NPAS3: variants seen among roughly 807,000 people sequenced by gnomAD.
NPAS3 encodes neuronal PAS domain-containing protein 3.
NPAS3 carries 14 observed loss-of-function variants against 73.1 expected under a neutral mutation model. The ratio of observed to expected loss-of-function variants is 0.19; its 90% CI spans 0.13 to 0.30. NPAS3 has a LOEUF of 0.30. Ranked by LOEUF, NPAS3 falls within the 10% of genes least tolerant of loss-of-function variation. The pLI, the probability that NPAS3 is intolerant of heterozygous loss-of-function variation, is 1.00. For synonymous variants in NPAS3, 620 were observed against 541.5 expected (o/e 1.14, Z -2.01); for missense variants, 1,096 against 1,250.0 (o/e 0.88, Z 1.86).
intron 3 of NPAS3, among the ~76,000 whole-genome samples, chr14:33,232,135 C>T (rs1594460763): frequency 1.3e-5 from 2 of 152,106 alleles, no homozygotes; most frequent in Admixed American, 6.6e-5. Flanking sequence ...GCTTAGATTG[C>T]GGATCCAGCT....
At chr14:33,191,455 G>C (rs2046169530) in intron 2 of NPAS3, among the ~76,000 whole-genome samples, 1 of 152,058 alleles carries the variant, frequency 6.6e-6, no homozygotes, top group African/African-American at 2.4e-5. Flanking sequence ...TGGCAATAAA[G>C]ATAGAAGGTC....
At chr14:33,047,095 T>C (rs989913153) in intron 1 of NPAS3, among the ~76,000 whole-genome samples, 1 of 151,848 alleles carries the variant, frequency 6.6e-6, no homozygotes. Flanking sequence ...GAATTGGGAG[T>C]CGTTGGCATA....
At chr14:33,606,187 G>A (rs2057556406) in intron 5 of NPAS3, among the ~76,000 whole-genome samples, 1 of 150,834 alleles carries the variant, frequency 6.6e-6, no homozygotes, top group Non-Finnish European at 1.5e-5. Context: ...TCGTCATTTA[G>A]CATTAGGTAT....
At chr14:33,110,670 AC>A (rs1392108981) in intron 2 of NPAS3, among the ~76,000 whole-genome samples, 1 of 152,126 alleles carries the variant, frequency 6.6e-6, no homozygotes, top group Admixed American at 6.6e-5. Context: ...ACAGTTCCTA[AC>A]TTTTTAATAC....
chr14:33,507,069 C>T (rs1477891254), intron 4 of NPAS3, among the ~76,000 whole-genome samples: 2 of 151,866 alleles, frequency 1.3e-5, no homozygotes, highest in African/African-American at 4.8e-5. Context: ...GCCATCTCTA[C>T]TTCAACACAT....
At chr14:33,470,655 C>T (rs1464361402) in intron 4 of NPAS3, among the ~76,000 whole-genome samples, 1 of 152,168 alleles carries the variant, frequency 6.6e-6, no homozygotes, top group Non-Finnish European at 1.5e-5. Flanking sequence ...CTGATCACAT[C>T]TTTAACAGTT....
At chr14:33,115,327 T>A (rs1275430770) in intron 2 of NPAS3, among the ~76,000 whole-genome samples, 3 of 152,096 alleles carry the variant, frequency 2.0e-5, no homozygotes, top group African/African-American at 4.8e-5. Flanking sequence ...AGGAGGTAGG[T>A]GCAGTGAATT....
At chr14:32,948,136 TAACAAAATTAGTTTTAACAA>T (rs2036337402) in intron 1 of NPAS3, among the ~76,000 whole-genome samples, 1 of 152,168 alleles carries the variant, frequency 6.6e-6, no homozygotes, top group Admixed American at 6.5e-5. Flanking sequence ...TTTTTCTTCC[TAACAAAATTAGTTTTAACAA>T]TTGAATCTTC....
chr14:33,710,776 C>T lies in NPAS3; in HGVS notation c.734-24438C>T, dbSNP rs772266027. On this transcript the variant is annotated intron_variant, in intron 6 of 11. Coordinates refer to ENST00000356141, the Ensembl canonical transcript of NPAS3. ...CTAACTTTTATTTATTCTAGGCTTC[C>T]ATAATGCAGCCACAGAAATTGAGAC... is the stretch of plus-strand genomic sequence containing the variant. Among the ~76,000 whole-genome samples, 51 of 152,284 alleles carry T rather than the reference C, an allele frequency of 3.3e-4. No homozygotes were observed. In the Middle Eastern group the frequency reaches 0.01, roughly 30 times the overall value.
intron 6 of NPAS3, among the ~76,000 whole-genome samples, chr14:33,695,777 A>G (rs2060359911): frequency 6.6e-6 from 1 of 152,204 alleles, no homozygotes; most frequent in South Asian, 2.1e-4. Context: ...AAGAACAAAT[A>G]AAAGGAATTG....
intron 1 of NPAS3, among the ~76,000 whole-genome samples, chr14:32,986,998 C>T (rs188319297): frequency 3.3e-5 from 5 of 152,018 alleles, no homozygotes; most frequent in African/African-American, 7.2e-5. Context: ...AGGGCTTTGC[C>T]GGGAAGAGAG....
intron 7 of NPAS3, 106 bp downstream of exon 7, chr14:33,735,438 C>A: frequency 1.3e-6 from 1 of 779,996 alleles, no homozygotes; most frequent in South Asian, 1.5e-5. Flanking sequence ...TACATGTGAT[C>A]TTGAGGAGCC....
chr14:33,527,240 CCG>C (rs2053841738), intron 4 of NPAS3, among the ~76,000 whole-genome samples: 1 of 152,120 alleles, frequency 6.6e-6, no homozygotes, highest in African/African-American at 2.4e-5. Context: ...CAGGGGTGCT[CCG>C]AAGTGAGCAG....
At chr14:33,779,078 C>T (rs1385609605) in intron 9 of NPAS3, among the ~76,000 whole-genome samples, 1 of 152,174 alleles carries the variant, frequency 6.6e-6, no homozygotes, top group Non-Finnish European at 1.5e-5. Flanking sequence ...CAGCAGCTCT[C>T]GAAGACAGTG....
intron 2 of NPAS3, among the ~76,000 whole-genome samples, chr14:33,145,659 T>C (rs1247401239): frequency 6.6e-6 from 1 of 152,176 alleles, no homozygotes; most frequent in African/African-American, 2.4e-5. Flanking sequence ...GTGGTTTAAT[T>C]TTCTGCACTG....
intron 2 of NPAS3, among the ~76,000 whole-genome samples, chr14:33,195,848 C>T (rs1420328162): frequency 6.6e-6 from 1 of 152,182 alleles, no homozygotes; most frequent in Non-Finnish European, 1.5e-5. Context: ...TGAATATTTA[C>T]TTATTGAAGG....
intron 6 of NPAS3, among the ~76,000 whole-genome samples, chr14:33,681,999 C>T (rs1463310018): frequency 1.3e-5 from 2 of 152,214 alleles, no homozygotes; most frequent in Admixed American, 1.3e-4. Flanking sequence ...ACAATTACTG[C>T]ACCTTTTCAG....
intron 4 of NPAS3, among the ~76,000 whole-genome samples, chr14:33,490,707 C>T (rs1021030432): frequency 6.6e-6 from 1 of 152,162 alleles, no homozygotes; most frequent in Non-Finnish European, 1.5e-5. Flanking sequence ...ACAACATACA[C>T]AGTCATTCCG....
intron 4 of NPAS3, among the ~76,000 whole-genome samples, chr14:33,547,613 A>G (rs1170663686): frequency 6.6e-6 from 1 of 151,982 alleles, no homozygotes; most frequent in Non-Finnish European, 1.5e-5. Flanking sequence ...GATGAATGCA[A>G]AATGCAAACC....
Sources: gnomAD v4.1 joint callset for allele counts (sites outside exome capture counted in the v4.1 genomes callset) on GRCh38, gnomAD v4.1.1 for gene constraint, MANE v1.5 for transcripts, NCBI Gene and HGNC (gene_info 2026-07-23, HGNC 2026-07-21) for gene names.